The following FSIP1 variants were observed in gnomAD, a reference collection of about 807,000 sequenced individuals.
The protein encoded by FSIP1 is fibrous sheath-interacting protein 1.
FSIP1 carries 65 observed loss-of-function variants against 60.9 expected under a neutral mutation model. That is an observed-to-expected ratio of 1.07 (90% CI 0.87 to 1.31). FSIP1 has a LOEUF of 1.31. FSIP1 is among the 40% of genes most tolerant of loss of function. The pLI, the probability that FSIP1 is intolerant of heterozygous loss-of-function variation, is 0.00. For missense variants in FSIP1, 675 were observed against 665.5 expected, an observed-to-expected ratio of 1.01 and a Z score of -0.16; for synonymous variants, 209 against 221.2, an observed-to-expected ratio of 0.94 and a Z score of 0.49.
intron 10 of FSIP1, among the ~76,000 whole-genome samples, chr15:39,680,734 A>G (rs559798544): frequency 6.6e-6 from 1 of 152,308 alleles, no homozygotes; most frequent in African/African-American, 2.4e-5. Flanking sequence ...TGATTACTTG[A>G]GTTTTCTCTA....
At chr15:39,647,884 A>T (rs1892686491) in intron 10 of FSIP1, among the ~76,000 whole-genome samples, 1 of 152,224 alleles carries the variant, frequency 6.6e-6, no homozygotes, top group Non-Finnish European at 1.5e-5. Context: ...GAATGTCTGA[A>T]ATCCAAAAAT....
At chr15:39,689,669 A>ATTC (rs1418787125) in intron 10 of FSIP1, among the ~76,000 whole-genome samples, 3 of 152,220 alleles carry the variant, frequency 2.0e-5, no homozygotes, top group African/African-American at 7.2e-5. Context: ...TGTGCCAGGA[A>ATTC]CTGGGGACAA....
chr15:39,753,205 AATT>A (rs1897213991), intron 5 of FSIP1, among the ~76,000 whole-genome samples: 1 of 152,148 alleles, frequency 6.6e-6, no homozygotes, highest in Non-Finnish European at 1.5e-5. Flanking sequence ...GCCTCCAAGA[AATT>A]ATTTGAACCA....
Position 39,765,744 on chromosome 15 carries a change from C to A in FSIP1, c.313G>T (p.Glu105Ter). ...QHQIISECSDEPKLKELDSQL... is the reference protein window; with the variant it reads ...QHQIISECSD ...GAATCTAATTCTTTTAATTTGGGTT[C>A]ATCTATATTGTGTTGAAAGTAAAAA... Residue 105 changes from glutamate to a stop codon, truncating the protein, a stop_gained and splice_region_variant, in exon 4 of 12, where the codon GAA (glutamate) becomes TAA (stop). Coordinates refer to ENST00000350221, the MANE Select transcript of FSIP1 (RefSeq NM_152597.5). LOFTEE classifies it high-confidence loss of function. The A allele has an allele frequency of 6.7e-7, 1 of 1,499,436 alleles. No individual in the cohort carries two copies. Among genetic ancestry groups the A allele is most frequent in the South Asian group, 1.2e-5 (1 of 82,514 alleles). 92.9% of individuals were successfully genotyped at this position (1,499,436 alleles called of 1,614,324 possible).
At chr15:39,768,420 ATATT>A (rs1468725747) in intron 3 of FSIP1, among the ~76,000 whole-genome samples, 5 of 152,356 alleles carry the variant, frequency 3.3e-5, no homozygotes, top group African/African-American at 1.2e-4. Context: ...TGAAAAGTAA[ATATT>A]TACTTATTAA....
Position 39,603,070 on chromosome 15 carries a change from A to G in FSIP1, c.1700-2144T>C, listed in dbSNP as rs575989632. 6.6e-5 allele frequency among the ~76,000 whole-genome samples: 10 copies of G among 152,358 alleles called. No individual in the cohort carries two copies. In the South Asian group the frequency reaches 1.9e-3, roughly 28 times the overall value. Reference sequence around the variant, plus strand: ...CAAGTCAGTAAAAGCCAGGGATTCCATTAAACACCCGACAATGCACAAGAC... The same window carrying G: ...CAAGTCAGTAAAAGCCAGGGATTCCGTTAAACACCCGACAATGCACAAGAC... On this transcript the variant is annotated intron_variant, in intron 11 of 11. Transcript: ENST00000350221.
At position 39,746,183 on chromosome 15, in the gene FSIP1, T is replaced by A. The variant is rs369880187; in HGVS notation, c.560-4283A>T. On this transcript the variant is annotated intron_variant, in intron 5 of 11. Transcript: ENST00000350221. ...CTCTATTTCCAGAATCTGGAAAAAATTGCCACCAACACAAATGATAGAAAG... is the reference window on the plus strand; with the variant it reads ...CTCTATTTCCAGAATCTGGAAAAAAATGCCACCAACACAAATGATAGAAAG... Among the ~76,000 whole-genome samples the A allele has an allele frequency of 1.1e-4, 16 of 152,194 alleles. No individual in the cohort carries two copies. The East Asian group carries it at 2.1e-3, about 20-fold the overall frequency.
chr15:39,627,326 C>A (rs1399686775), intron 10 of FSIP1, among the ~76,000 whole-genome samples: 3 of 152,228 alleles, frequency 2.0e-5, no homozygotes, highest in Non-Finnish European at 2.9e-5. Flanking sequence ...CCCCTCAAGT[C>A]ACCCATGGGT....
At chr15:39,597,645 T>C (rs1238304063), downstream of FSIP1, 1 of 152,208 alleles carries the variant, frequency 6.6e-6, no homozygotes, top group African/African-American at 2.4e-5. Context: ...GCTTAGAATT[T>C]GCTGCGTTTG....
intron 3 of FSIP1, among the ~76,000 whole-genome samples, chr15:39,767,610 G>A (rs958576929): frequency 2.0e-5 from 3 of 152,160 alleles, no homozygotes; most frequent in African/African-American, 4.8e-5. Flanking sequence ...ATATAAACCC[G>A]AGACCTTAAG....
intron 5 of FSIP1, among the ~76,000 whole-genome samples, chr15:39,745,515 C>T (rs1214763359): frequency 1.3e-5 from 2 of 152,090 alleles, no homozygotes; most frequent in Non-Finnish European, 2.9e-5. Flanking sequence ...AATTATTTAT[C>T]AGCTTATTCT....
chr15:39,625,696 C>A (rs1177152294), intron 10 of FSIP1, among the ~76,000 whole-genome samples: 2 of 152,146 alleles, frequency 1.3e-5, no homozygotes, highest in East Asian at 3.9e-4. Context: ...CCCAGCTCTA[C>A]AGCTGGAGGG....
At chr15:39,706,725 T>A (rs1257339171) in intron 10 of FSIP1, among the ~76,000 whole-genome samples, 1 of 152,186 alleles carries the variant, frequency 6.6e-6, no homozygotes, top group Non-Finnish European at 1.5e-5. Flanking sequence ...TTAATTTCCT[T>A]TCTCCGCCTC....
chr15:39,719,355 A>G (rs1895868102), intron 9 of FSIP1, among the ~76,000 whole-genome samples: 1 of 152,204 alleles, frequency 6.6e-6, no homozygotes, highest in African/African-American at 2.4e-5. Context: ...GAATTCAATA[A>G]AAGCTCTCCT....
intron 10 of FSIP1, among the ~76,000 whole-genome samples, chr15:39,665,143 C>G (rs1893447226): frequency 6.6e-6 from 1 of 152,198 alleles, no homozygotes; most frequent in Non-Finnish European, 1.5e-5. Flanking sequence ...AAATTAATTA[C>G]TACATCTTTT....
chr15:39,605,772 C>T (rs546200411), intron 11 of FSIP1, among the ~76,000 whole-genome samples: 19 of 152,318 alleles, frequency 1.2e-4, no homozygotes, highest in African/African-American at 3.8e-4. Context: ...CAATGTTAAA[C>T]GCCATGTAAG....
At chr15:39,608,282 A>G (rs181382125) in intron 11 of FSIP1, among the ~76,000 whole-genome samples, 37 of 152,356 alleles carry the variant, frequency 2.4e-4, no homozygotes, top group Admixed American at 1.8e-3. Flanking sequence ...GCCATGTTCT[A>G]TGTCTCCATA....
At chr15:39,621,264 C>G (rs1488486404) in intron 10 of FSIP1, among the ~76,000 whole-genome samples, 2 of 152,104 alleles carry the variant, frequency 1.3e-5, no homozygotes, top group African/African-American at 2.4e-5. Flanking sequence ...CTCTTCCCAC[C>G]CCAAAGCTCC....
intron 10 of FSIP1, among the ~76,000 whole-genome samples, chr15:39,699,188 A>G (rs1894954369): frequency 6.6e-6 from 1 of 152,212 alleles, no homozygotes; most frequent in Admixed American, 6.5e-5. Context: ...CACCCTAGTT[A>G]CAAGGGAGTC....
Sources: gnomAD v4.1 joint callset for allele counts (sites outside exome capture counted in the v4.1 genomes callset) on GRCh38, gnomAD v4.1.1 for gene constraint, MANE v1.5 for transcripts, NCBI Gene and HGNC (gene_info 2026-07-23, HGNC 2026-07-21) for gene names.